The following CTNNA2 variants were observed in gnomAD, a reference collection of about 807,000 sequenced individuals.
CTNNA2 encodes catenin alpha 2.
CTNNA2 carries 42 observed loss-of-function variants against 101.0 expected under a neutral mutation model. The ratio of observed to expected loss-of-function variants is 0.42; its 90% confidence interval spans 0.32 to 0.54. CTNNA2 has a LOEUF of 0.54. Ranked by LOEUF, CTNNA2 falls within the 20% of genes least tolerant of loss-of-function variation. CTNNA2 has a pLI of 0.14. For missense variants in CTNNA2, 871 were observed against 1,223.1 expected, an observed-to-expected ratio of 0.71 and a Z score of 4.29; for synonymous variants, 450 against 456.4, an observed-to-expected ratio of 0.99 and a Z score of 0.18.
intron 7 of CTNNA2, among the ~76,000 whole-genome samples, chr2:80,171,064 A>AGATTTTTT (rs1259506656): frequency 2.0e-5 from 3 of 152,132 alleles, no homozygotes; most frequent in Non-Finnish European, 4.4e-5. Flanking sequence ...GAAAAAGGAG[A>AGATTTTTT]GATTTTTTAT....
chr2:79,916,867 C>T (rs945253757), intron 7 of CTNNA2, among the ~76,000 whole-genome samples: 2 of 151,992 alleles, frequency 1.3e-5, no homozygotes, highest in African/African-American at 4.8e-5. Context: ...TAGTGATCCG[C>T]CCAACTTGGC....
At chr2:79,967,622 C>A (rs1016527868) in intron 7 of CTNNA2, among the ~76,000 whole-genome samples, 3 of 152,186 alleles carry the variant, frequency 2.0e-5, no homozygotes, top group African/African-American at 7.2e-5. Context: ...GAGCTAATTT[C>A]TCCAACAAAC....
chr2:80,560,393 T>C (rs1693473700), intron 12 of CTNNA2, among the ~76,000 whole-genome samples: 1 of 151,864 alleles, frequency 6.6e-6, no homozygotes, highest in African/African-American at 2.4e-5. Flanking sequence ...ATTTGACTGC[T>C]ACCAACTAAC....
At chr2:80,329,442 T>C (rs1432732844) in intron 7 of CTNNA2, among the ~76,000 whole-genome samples, 3 of 152,144 alleles carry the variant, frequency 2.0e-5, no homozygotes, top group South Asian at 2.1e-4. Flanking sequence ...TCTTAATGAA[T>C]GGAAAGGTTG....
chr2:79,753,988 C>A (rs1300637283), intron 3 of CTNNA2, among the ~76,000 whole-genome samples: 1 of 151,504 alleles, frequency 6.6e-6, no homozygotes, highest in African/African-American at 2.4e-5. Flanking sequence ...CCTGCCTCAG[C>A]CTCCCAAGTA....
At position 80,589,598 on chromosome 2, in the gene CTNNA2, G is replaced by A. The variant is rs1696260005; in HGVS notation, c.2189+113G>A. The A allele has an allele frequency of 9.3e-6, 9 of 966,718 alleles. No homozygotes were observed. The South Asian group carries it at 1.7e-4, about 18-fold the overall frequency. 59.9% of individuals were successfully genotyped at this position (966,718 alleles called of 1,614,324 possible). A position where few individuals can be genotyped will look rare whatever the true frequency, so the allele number is the denominator to read the frequency against. ...AATTAAAATATACCAACGCAAGGTGGTGGTATTATAAATTTACATGTATAA... is the reference window on the plus strand; with the variant it reads ...AATTAAAATATACCAACGCAAGGTGATGGTATTATAAATTTACATGTATAA... On this transcript the variant is annotated intron_variant, in intron 15 of 18. Transcript: ENST00000402739.
chr2:79,524,585 A>G (rs1335219030), intron 1 of CTNNA2: 1 of 151,722 alleles, frequency 6.6e-6, no homozygotes, highest in Non-Finnish European at 1.5e-5. Context: ...CCTTATTTAC[A>G]TGAAAATGAT....
At chr2:79,830,893 CTA>C (rs2105425548) in intron 3 of CTNNA2, among the ~76,000 whole-genome samples, 1 of 152,274 alleles carries the variant, frequency 6.6e-6, no homozygotes, top group Non-Finnish European at 1.5e-5. Flanking sequence ...TGCCAGAAAA[CTA>C]AGCTTGGTGT....
chr2:80,130,278 A>G (rs1055070685), intron 7 of CTNNA2, among the ~76,000 whole-genome samples: 3 of 152,224 alleles, frequency 2.0e-5, no homozygotes, highest in African/African-American at 7.2e-5. Context: ...GTGTAGTTCA[A>G]GTAATTACTA....
intron 4 of CTNNA2, among the ~76,000 whole-genome samples, chr2:79,441,890 T>C (rs1419289128): frequency 6.6e-6 from 1 of 152,172 alleles, no homozygotes. Flanking sequence ...AAGTCAAGTG[T>C]TGTCTATAAA....
At position 80,149,023 on chromosome 2, in the gene CTNNA2, A is replaced by ATT. The variant is rs34431691; in HGVS notation, c.1056+239247_1056+239248dup. Reference sequence around the variant, plus strand: ...CTTCAACCTTCTGACTTATTTTGTTATTTTTTTTTTTTTTTTTTTTTTAAG... The same window carrying ATT: ...CTTCAACCTTCTGACTTATTTTGTTATTTTTTTTTTTTTTTTTTTTTTTTAAG... On this transcript the variant is annotated intron_variant, in intron 7 of 18. Coordinates refer to ENST00000402739, the MANE Select transcript of CTNNA2 (RefSeq NM_001282597.3). Among the ~76,000 whole-genome samples the ATT allele has an allele frequency of 6.5e-3, 806 of 124,784 alleles. 8 individuals are homozygous for ATT. Among genetic ancestry groups the ATT allele is most frequent in the Middle Eastern group, 0.014 (3 of 214 alleles). 81.9% of individuals were successfully genotyped at this position (124,784 alleles called of 152,430 possible).
intron 7 of CTNNA2, among the ~76,000 whole-genome samples, chr2:80,287,673 G>A (rs1674892797): frequency 6.6e-6 from 1 of 152,118 alleles, no homozygotes; most frequent in Admixed American, 6.5e-5. Context: ...AGATTAATAG[G>A]GGTTGAGTCG....
intron 7 of CTNNA2, among the ~76,000 whole-genome samples, chr2:80,148,251 G>A (rs1404550104): frequency 1.3e-5 from 2 of 152,230 alleles, no homozygotes; most frequent in African/African-American, 4.8e-5. Flanking sequence ...AAGTTAGCCA[G>A]TCTTGTCTGG....
chr2:80,509,180 C>T (rs1055569804), intron 9 of CTNNA2, among the ~76,000 whole-genome samples: 6 of 152,162 alleles, frequency 3.9e-5, no homozygotes, highest in South Asian at 2.1e-4. Context: ...TTTATTACTA[C>T]CTTGTGAAGT....
At chr2:79,226,287 A>G (rs1019581931) in intron 2 of CTNNA2, among the ~76,000 whole-genome samples, 1 of 152,200 alleles carries the variant, frequency 6.6e-6, no homozygotes, top group Admixed American at 6.5e-5. Context: ...CTGCCTCTTG[A>G]GCAAGTTAAT....
At chr2:79,495,069 C>G (rs1370249236) in intron 4 of CTNNA2, among the ~76,000 whole-genome samples, 1 of 152,106 alleles carries the variant, frequency 6.6e-6, no homozygotes, top group Admixed American at 6.6e-5. Context: ...CGCCACTGCA[C>G]TCCAGCCTGG....
intron 2 of CTNNA2, among the ~76,000 whole-genome samples, chr2:79,675,600 A>T (rs1365660131): frequency 1.3e-5 from 2 of 152,148 alleles, no homozygotes; most frequent in African/African-American, 4.8e-5. Flanking sequence ...ATTTTTAAGC[A>T]TTTGGTATTT....
At chr2:79,945,204 G>A (rs772902498) in intron 7 of CTNNA2, among the ~76,000 whole-genome samples, 1 of 151,868 alleles carries the variant, frequency 6.6e-6, no homozygotes, top group South Asian at 2.1e-4. Flanking sequence ...CACCACACCT[G>A]GATAATTTTT....
intron 3 of CTNNA2, among the ~76,000 whole-genome samples, chr2:79,824,217 A>G (rs906130905): frequency 1.3e-5 from 2 of 152,170 alleles, no homozygotes; most frequent in African/African-American, 4.8e-5. Flanking sequence ...TGTTTTCACA[A>G]CGTGCTGCTG....
Sources: allele counts gnomAD v4.1 joint callset (sites outside exome capture counted in the v4.1 genomes callset), GRCh38; gene constraint gnomAD v4.1.1; transcripts MANE v1.5; gene names NCBI Gene and HGNC (gene_info 2026-07-23, HGNC 2026-07-21).